The following GGH variants were observed in gnomAD, a reference collection of about 807,000 sequenced individuals.
GGH encodes the protein gamma-Glu-X carboxypeptidase.
GGH carries 18 observed loss-of-function variants against 39.2 expected under a neutral mutation model. The ratio of observed to expected loss-of-function variants is 0.46; its 90% CI spans 0.32 to 0.68. The LOEUF (loss-of-function observed/expected upper bound fraction) is 0.68. Among genes scored for constraint, GGH ranks in the 30% least tolerant of loss-of-function variants. The pLI is 0.04. For synonymous variants in GGH, 147 were observed against 138.8 expected (o/e 1.06, Z -0.42); for missense variants, 367 against 384.1 (o/e 0.96, Z 0.37).
At chr8:63,022,865 T>C (rs1804618137) in intron 7 of GGH, among the ~76,000 whole-genome samples, 1 of 152,174 alleles carries the variant, frequency 6.6e-6, no homozygotes. Context: ...TATTTTCAAA[T>C]CTGATTGTTT....
chr8:63,026,922 C>A, intron 4 of GGH: 1 of 450,184 alleles, frequency 2.2e-6, no homozygotes, highest in South Asian at 2.9e-5. Context: ...GTCTACACTA[C>A]ATGAGGACAC....
chr8:63,033,880 TTC>T (rs931658066), intron 2 of GGH, among the ~76,000 whole-genome samples: 1 of 151,664 alleles, frequency 6.6e-6, no homozygotes, highest in African/African-American at 2.4e-5. Flanking sequence ...GTATTTGGTT[TTC>T]TGTTTCTGCA....
chr8:63,017,934 T>C (rs1203700608), intron 7 of GGH: 2 of 235,084 alleles, frequency 8.5e-6, no homozygotes, highest in African/African-American at 4.6e-5. Context: ...ATGCACATTT[T>C]ATTGGTGATA....
intron 7 of GGH, among the ~76,000 whole-genome samples, chr8:63,019,414 G>A (rs1419327312): frequency 6.6e-6 from 1 of 152,174 alleles, no homozygotes; most frequent in Non-Finnish European, 1.5e-5. Context: ...GACAAGAGAA[G>A]AGCTTTCAAT....
intron 7 of GGH, chr8:63,023,421 C>T (rs1333419148): frequency 6.6e-6 from 1 of 152,410 alleles, no homozygotes; most frequent in Non-Finnish European, 1.5e-5. Flanking sequence ...CCATGAGATA[C>T]TATTCGTATA....
At chr8:63,035,993 G>A (rs1446084633) in intron 1 of GGH, among the ~76,000 whole-genome samples, 2 of 152,058 alleles carry the variant, frequency 1.3e-5, no homozygotes, top group Non-Finnish European at 2.9e-5. Flanking sequence ...GGCCAAATAA[G>A]CCCCCAAAGA....
intron 5 of GGH, 80 bp downstream of exon 5, chr8:63,026,078 A>C: frequency 9.1e-7 from 1 of 1,099,132 alleles, no homozygotes; most frequent in Non-Finnish European, 1.3e-6. Flanking sequence ...AATAAAAATA[A>C]GCACTTTTAC....
At chr8:63,027,452 C>T (rs1192844366) in intron 3 of GGH, among the ~76,000 whole-genome samples, 187 bp from the exon 4 acceptor site, 4 of 152,066 alleles carry the variant, frequency 2.6e-5, no homozygotes, top group Non-Finnish European at 5.9e-5. Context: ...TCAGAAACTA[C>T]AGCAGTTAAC....
At chr8:63,031,117 T>A (rs1248758620) in intron 2 of GGH, among the ~76,000 whole-genome samples, 1 of 152,170 alleles carries the variant, frequency 6.6e-6, no homozygotes, top group Non-Finnish European at 1.5e-5. Flanking sequence ...TGATTAGATG[T>A]CAACTAGTCC....
intron 7 of GGH, among the ~76,000 whole-genome samples, chr8:63,023,068 A>T (rs576364217): frequency 2.0e-5 from 3 of 152,152 alleles, no homozygotes; most frequent in Admixed American, 1.3e-4. Context: ...TTCAAACTTC[A>T]TATGTTGAAA....
chr8:63,036,131 T>C (rs760533453), intron 1 of GGH, among the ~76,000 whole-genome samples: 4 of 152,180 alleles, frequency 2.6e-5, no homozygotes, highest in Non-Finnish European at 5.9e-5. Flanking sequence ...ACTGATTCCC[T>C]GACAACGAAG....
At chr8:63,033,520 G>A (rs1804843306) in intron 2 of GGH, among the ~76,000 whole-genome samples, 1 of 147,956 alleles carries the variant, frequency 6.8e-6, no homozygotes, top group South Asian at 2.2e-4. Context: ...GGTTACACAT[G>A]TTGTTGGCAT....
Position 63,030,218 on chromosome 8 carries a change from C to A in GGH, c.225-1G>T. The A allele has an allele frequency of 7.5e-7, 1 of 1,340,368 alleles. No individual in the cohort carries two copies. Among genetic ancestry groups the A allele is most frequent in the South Asian group, 1.2e-5 (1 of 84,794 alleles). The allele number at this position is 1,340,368 out of a possible 1,614,324, so 83.0% of individuals were successfully genotyped here. A position where few individuals can be genotyped will look rare whatever the true frequency, so the allele number is the denominator to read the frequency against. ...ATAGTCTTTCTCTGTAAGATCCAGC[C>A]TGAAAACAATAAAAGTTATTGTTAC... On this transcript the variant is annotated splice_acceptor_variant, in intron 2 of 8. Transcript: ENST00000260118. LOFTEE classifies it high-confidence loss of function.
intron 7 of GGH, among the ~76,000 whole-genome samples, chr8:63,022,277 C>T (rs1804601477): frequency 6.6e-6 from 1 of 152,018 alleles, no homozygotes; most frequent in African/African-American, 2.4e-5. Flanking sequence ...CTTTTATCCA[C>T]CTGAAAATTT....
intron 4 of GGH, chr8:63,026,954 A>C: frequency 9.5e-6 from 5 of 526,976 alleles, no homozygotes; most frequent in Non-Finnish European, 6.6e-6. Context: ...ACAAGCATCA[A>C]GAGAGGGGCA....
rs561376326 is a variant in GGH, at chr8:63,020,907, CCT to C, written c.697+2998_697+2999del. 2.6e-3 allele frequency among the ~76,000 whole-genome samples: 394 copies of C among 152,232 alleles called. 3 individuals are homozygous for C. Among genetic ancestry groups the C allele is most frequent in the African/African-American group, 8.9e-3 (370 of 41,546 alleles). ...TGGCTGGAAGATGGGTTTGTGGAAG[CCT>C]TAAGAGGCTGCTGCTGCAGCAATCC... On this transcript the variant is annotated intron_variant, in intron 7 of 8. Coordinates refer to ENST00000260118, the MANE Select transcript of GGH (RefSeq NM_003878.3).
At chr8:63,017,423 A>G in intron 8 of GGH, 70 bp downstream of exon 8, 2 of 1,022,882 alleles carry the variant, frequency 2.0e-6, no homozygotes, top group Non-Finnish European at 2.9e-6. Context: ...AAGGGTAGGC[A>G]AAAGTTCAGA....
chr8:63,037,307 A>C (rs948089134), intron 1 of GGH, among the ~76,000 whole-genome samples: 1 of 152,186 alleles, frequency 6.6e-6, no homozygotes, highest in Non-Finnish European at 1.5e-5. Flanking sequence ...GGAGTGGTAC[A>C]GGGTACATGG....
intron 4 of GGH, chr8:63,026,916 A>G: frequency 2.4e-6 from 1 of 423,210 alleles, no homozygotes; most frequent in Admixed American, 4.5e-5. Flanking sequence ...CAGAATGTCT[A>G]CACTACATGA....
Sources: gnomAD v4.1 joint callset for allele counts (sites outside exome capture counted in the v4.1 genomes callset) on GRCh38, gnomAD v4.1.1 for gene constraint, MANE v1.5 for transcripts, NCBI Gene and HGNC (gene_info 2026-07-23, HGNC 2026-07-21) for gene names.